CENPP: variants seen among roughly 807,000 people sequenced by gnomAD.
CENPP encodes the protein centromere protein P.
A neutral mutation model predicts 35.6 loss-of-function variants in CENPP; 24 were observed. The ratio of observed to expected loss-of-function variants is 0.67; its 90% CI spans 0.49 to 0.95. The LOEUF (loss-of-function observed/expected upper bound fraction) is 0.95. CENPP is among the 40% of genes least tolerant of loss of function. The probability of loss-of-function intolerance (pLI) is 0.00; values close to 1 mark genes in which losing one functional copy is unlikely to be tolerated. For synonymous variants in CENPP, 120 were observed against 125.5 expected, an observed-to-expected ratio of 0.96 and a Z score of 0.29; for missense variants, 332 against 345.3, an observed-to-expected ratio of 0.96 and a Z score of 0.31.
chr9:92,452,621 G>A (rs1307008406), intron 5 of CENPP, among the ~76,000 whole-genome samples: 4 of 152,304 alleles, frequency 2.6e-5, no homozygotes, highest in African/African-American at 7.2e-5. Context: ...CATAAAAAGA[G>A]TTAGGGAGGA....
intron 4 of CENPP, among the ~76,000 whole-genome samples, chr9:92,365,424 T>C (rs1243036904): frequency 1.3e-5 from 2 of 148,542 alleles, no homozygotes; most frequent in Non-Finnish European, 3.0e-5. Flanking sequence ...TTTTTTTTTT[T>C]TTTTGAGACA....
chr9:92,332,142 G>C, intron 1 of CENPP, 28 bp from the exon 2 acceptor site: 1 of 1,498,228 alleles, frequency 6.7e-7, no homozygotes, highest in Middle Eastern at 2.4e-4. Flanking sequence ...AGTAATTGGA[G>C]TGATTATTTT....
intron 3 of CENPP, among the ~76,000 whole-genome samples, chr9:92,344,989 C>T (rs1448839960): frequency 3.3e-5 from 5 of 151,670 alleles, no homozygotes; most frequent in Admixed American, 6.6e-5. Flanking sequence ...CGGTGGCTCA[C>T]GCCTGTAATC....
At chr9:92,404,098 C>T (rs747538892) in intron 5 of CENPP, among the ~76,000 whole-genome samples, 38 of 152,016 alleles carry the variant, frequency 2.5e-4, no homozygotes, top group Non-Finnish European at 3.8e-4. Flanking sequence ...GAGGAAATAC[C>T]GAACTTTAAT....
intron 5 of CENPP, among the ~76,000 whole-genome samples, chr9:92,601,043 G>C (rs186370352): frequency 2.0e-5 from 3 of 152,160 alleles, no homozygotes; most frequent in African/African-American, 7.2e-5. Flanking sequence ...AGGGGCAGAC[G>C]TGTGTGTCGC....
At chr9:92,368,873 T>C (rs1475521871) in intron 4 of CENPP, among the ~76,000 whole-genome samples, 1 of 151,988 alleles carries the variant, frequency 6.6e-6, no homozygotes, top group African/African-American at 2.4e-5. Context: ...ACCCTGTCTC[T>C]ACAAAAAAAG....
At chr9:92,505,431 T>G (rs1464846103) in intron 5 of CENPP, 1 of 1,050,670 alleles carries the variant, frequency 9.5e-7, no homozygotes, top group African/African-American at 1.7e-5. Flanking sequence ...AGCATGAAAC[T>G]AGAGTTTAAT....
intron 5 of CENPP, among the ~76,000 whole-genome samples, chr9:92,572,461 G>A (rs937262508): frequency 6.6e-6 from 1 of 152,210 alleles, no homozygotes; most frequent in Admixed American, 6.5e-5. Context: ...GAGATCCGCT[G>A]TTAGTCTGAT....
At chr9:92,552,192 C>CTATCATAT (rs1849630185) in intron 5 of CENPP, among the ~76,000 whole-genome samples, 3 of 127,620 alleles carry the variant, frequency 2.4e-5, no homozygotes, top group African/African-American at 6.1e-5. Context: ...CTATCATATA[C>CTATCATAT]ACACACACAC....
intron 4 of CENPP, among the ~76,000 whole-genome samples, chr9:92,370,418 G>C (rs1233449885): frequency 1.3e-5 from 2 of 152,090 alleles, no homozygotes; most frequent in Non-Finnish European, 1.5e-5. Context: ...ATGTATGTTT[G>C]ATAGAATACG....
intron 5 of CENPP, among the ~76,000 whole-genome samples, chr9:92,597,002 T>C (rs549287602): frequency 6.6e-6 from 1 of 152,288 alleles, no homozygotes; most frequent in African/African-American, 2.4e-5. Context: ...TCAAAGTCAG[T>C]TGCCAGCACT....
chr9:92,494,358 G>C (rs762834940), intron 5 of CENPP, among the ~76,000 whole-genome samples: 2 of 152,146 alleles, frequency 1.3e-5, no homozygotes, highest in Non-Finnish European at 2.9e-5. Context: ...GTTGTTAAAT[G>C]GATGTGTAAC....
intron 5 of CENPP, among the ~76,000 whole-genome samples, chr9:92,606,516 C>G (rs1432164253): frequency 1.3e-5 from 2 of 152,066 alleles, no homozygotes; most frequent in East Asian, 3.9e-4. Context: ...CCCAGAAATC[C>G]CGCTCCTAGA....
intron 5 of CENPP, among the ~76,000 whole-genome samples, chr9:92,585,251 T>C (rs1467637520): frequency 6.6e-6 from 1 of 152,212 alleles, no homozygotes; most frequent in Non-Finnish European, 1.5e-5. Context: ...TTTAGAAATA[T>C]AGTCTTCATT....
chr9:92,369,963 T>C (rs146068471), intron 4 of CENPP, among the ~76,000 whole-genome samples: 38 of 152,352 alleles, frequency 2.5e-4, no homozygotes, highest in Admixed American at 3.3e-4. Flanking sequence ...TTTTTATATG[T>C]AGCCTGTATT....
At chr9:92,424,689 T>G (rs1160834765) in intron 5 of CENPP, among the ~76,000 whole-genome samples, 2 of 152,202 alleles carry the variant, frequency 1.3e-5, no homozygotes, top group African/African-American at 4.8e-5. Flanking sequence ...TTTTTTAATT[T>G]TTTGAGATGG....
chr9:92,417,672 G>C, intron 5 of CENPP: 2 of 690,924 alleles, frequency 2.9e-6, no homozygotes, highest in East Asian at 2.8e-5. Flanking sequence ...TTATACCTAT[G>C]TCTATATATA....
At chr9:92,528,786 T>G (rs1398869541) in intron 5 of CENPP, among the ~76,000 whole-genome samples, 2 of 152,204 alleles carry the variant, frequency 1.3e-5, no homozygotes, top group African/African-American at 4.8e-5. Flanking sequence ...GTACAATAAC[T>G]TGACAGTGTC....
chr9:92,612,616 T>C lies in CENPP; in HGVS notation c.736+2T>C, dbSNP rs1411649472. ...TTCTCACCAAAGTCCCACAGCGAGG[T>C]AGGGCCCTGGGTGTGGCTGCTCTAG... On this transcript the variant is annotated splice_donor_variant, in intron 7 of 7. Transcript: ENST00000375587. LOFTEE classifies it high-confidence loss of function. 7 of 1,611,832 alleles carry C rather than the reference T, an allele frequency of 4.3e-6. No homozygotes were observed. The African/African-American group carries it at 9.4e-5, about 22-fold the overall frequency.
Sources: allele counts gnomAD v4.1 joint callset (sites outside exome capture counted in the v4.1 genomes callset), GRCh38; gene constraint gnomAD v4.1.1; transcripts MANE v1.5; gene names NCBI Gene and HGNC (gene_info 2026-07-23, HGNC 2026-07-21).